SDK1: variants seen among roughly 807,000 people sequenced by gnomAD.
The protein encoded by SDK1 is protein sidekick-1.
SDK1 carries 157 observed loss-of-function variants against 245.5 expected under a neutral mutation model. The observed-to-expected ratio is 0.64, with a 90% confidence interval of 0.56 to 0.73. The LOEUF is 0.73. SDK1 is among the 30% of genes least tolerant of loss of function. The pLI, the probability that SDK1 is intolerant of heterozygous loss-of-function variation, is 0.00. For missense variants in SDK1, 3,583 were observed against 3,002.3 expected (o/e 1.19, Z -4.52); for synonymous variants, 1,647 against 1,278.5 (o/e 1.29, Z -6.15).
intron 5 of SDK1, among the ~76,000 whole-genome samples, chr7:3,935,975 G>A (rs918842034): frequency 6.6e-6 from 1 of 152,200 alleles, no homozygotes; most frequent in Non-Finnish European, 1.5e-5. Context: ...CTAATTAGAA[G>A]GTGAGAACAA....
At chr7:4,139,260 A>G (rs1277459034) in intron 28 of SDK1, among the ~76,000 whole-genome samples, 1 of 150,642 alleles carries the variant, frequency 6.6e-6, no homozygotes, top group African/African-American at 2.4e-5. Context: ...TTCGTGGGGC[A>G]CCCACCCTAG....
chr7:4,087,350 T>C (rs952716623), intron 22 of SDK1, among the ~76,000 whole-genome samples: 2 of 152,238 alleles, frequency 1.3e-5, no homozygotes, highest in African/African-American at 4.8e-5. Context: ...CTTTTCATTC[T>C]GTTCTATTAG....
At position 4,236,643 on chromosome 7, in the gene SDK1, G is replaced by A. The variant is rs1000436042; in HGVS notation, c.5993-1004G>A. 2.0e-5 allele frequency among the ~76,000 whole-genome samples: 3 copies of A among 152,204 alleles called. No individual in the cohort carries two copies. The South Asian group carries it at 6.2e-4, about 32-fold the overall frequency. On this transcript the variant is annotated intron_variant, in intron 41 of 44. Transcript: ENST00000404826. The stretch of plus-strand genomic sequence containing the variant: ...TGGGCTCAGGGTTCACCCCGTGGCT[G>A]TTGGGAACCACTGAGGATTTTAGGG...
intron 5 of SDK1, among the ~76,000 whole-genome samples, chr7:3,863,970 A>G (rs1329745158): frequency 6.6e-6 from 1 of 152,176 alleles, no homozygotes; most frequent in Non-Finnish European, 1.5e-5. Flanking sequence ...GCTGGGTTGC[A>G]TGGTAAGTCG....
In SDK1 at chr7:4,026,660, A is replaced by G. The variant is rs1368572492; in HGVS notation, c.2602+9308A>G. Among the ~76,000 whole-genome samples, 1 of 152,260 alleles carries G rather than the reference A, an allele frequency of 6.6e-6. No individual in the cohort carries two copies. The highest frequency in any genetic ancestry group is 1.5e-5 in the Non-Finnish European group (1 of 68,048). On this transcript the variant is annotated intron_variant, in intron 17 of 44. Coordinates refer to ENST00000404826, the MANE Select transcript of SDK1 (RefSeq NM_152744.4). The surrounding 1 kb of genome is among the most constrained non-coding windows in gnomAD (Gnocchi z 4.1). ...ATTTTCTTCTGAAGGCCATCAGAAA[A>G]GAAACTTGAGCTTATTTGTCAAAGG... is the stretch of plus-strand genomic sequence containing the variant.
chr7:3,674,702 G>A (rs1165897597), intron 4 of SDK1, among the ~76,000 whole-genome samples: 7 of 152,284 alleles, frequency 4.6e-5, no homozygotes, highest in African/African-American at 1.7e-4. Flanking sequence ...TGGCAGGGAA[G>A]AGCCCTGATG....
At chr7:4,074,811 C>T (rs533503896) in intron 20 of SDK1, among the ~76,000 whole-genome samples, 6 of 144,928 alleles carry the variant, frequency 4.1e-5, no homozygotes, top group African/African-American at 1.0e-4. Flanking sequence ...TGCAGTGAGC[C>T]GTGATCACCC....
At chr7:3,612,528 C>A (rs969668039) in intron 1 of SDK1, among the ~76,000 whole-genome samples, 4 of 152,192 alleles carry the variant, frequency 2.6e-5, no homozygotes, top group Non-Finnish European at 1.5e-5. Context: ...GGATCTTCTA[C>A]CCACATTTCT....
In SDK1 at chr7:4,208,106, A is replaced by G. The variant is rs561501706; in HGVS notation, c.5222A>G (p.Tyr1741Cys). 11 of 1,612,274 alleles carry G rather than the reference A, an allele frequency of 6.8e-6. No individual in the cohort carries two copies. Among genetic ancestry groups the G allele is most frequent in the Non-Finnish European group, 9.3e-6 (11 of 1,179,272 alleles). The change falls in exon 37 of 45, where the codon TAC becomes TGC. Residue 1741 changes from tyrosine (Y) to cysteine (C), a missense_variant. Tyr to Cys is a radical substitution (Grantham distance 194). Coordinates refer to ENST00000404826, the MANE Select transcript of SDK1 (RefSeq NM_152744.4). ...TCTTGCTGTTCCTAACAGATTTACT[A>G]CTGGGAGGCAGACAGCCAGAACGAA... ...NGNIQGYKIY[Y>C]WEADSQNETE...
intron 1 of SDK1, among the ~76,000 whole-genome samples, chr7:3,463,214 T>A (rs1184248313): frequency 6.6e-6 from 1 of 152,224 alleles, no homozygotes; most frequent in Non-Finnish European, 1.5e-5. Flanking sequence ...AGGTTTACAT[T>A]TAATTTTGTG....
chr7:3,454,981 GC>G (rs1583882456), intron 1 of SDK1, among the ~76,000 whole-genome samples: 2 of 152,084 alleles, frequency 1.3e-5, no homozygotes, highest in East Asian at 3.9e-4. Context: ...CTGTATCCTT[GC>G]CTGCATTTGG....
intron 1 of SDK1, among the ~76,000 whole-genome samples, chr7:3,540,497 G>A (rs750281887): frequency 6.6e-6 from 1 of 152,174 alleles, no homozygotes; most frequent in Non-Finnish European, 1.5e-5. Context: ...GACTGAAAAG[G>A]CGCAGTTAAA....
chr7:4,054,109 T>G (rs1171452834), intron 19 of SDK1, among the ~76,000 whole-genome samples: 1 of 151,968 alleles, frequency 6.6e-6, no homozygotes, highest in Non-Finnish European at 1.5e-5. Context: ...TGGCCAATTT[T>G]TTTGTATTTT....
At chr7:3,434,741 C>T (rs1779970218) in intron 1 of SDK1, among the ~76,000 whole-genome samples, 1 of 152,128 alleles carries the variant, frequency 6.6e-6, no homozygotes, top group African/African-American at 2.4e-5. Context: ...CCATCATTAA[C>T]CCAGGCCTAT....
rs367585225 is a variant in SDK1 at position 4,233,233 on chromosome 7, C to T, written c.5828-22C>T. Reference sequence around the variant, plus strand: ...ACTTCGCACTTCTAACCTCTGCTCTCGCCTCCCCATCCCTCTTGCAGATGA... The same window carrying T: ...ACTTCGCACTTCTAACCTCTGCTCTTGCCTCCCCATCCCTCTTGCAGATGA... On this transcript the variant is annotated intron_variant, in intron 40 of 44. Coordinates refer to ENST00000404826, the MANE Select transcript of SDK1 (RefSeq NM_152744.4). 2,481 of 1,605,210 alleles carry T rather than the reference C, an allele frequency of 1.5e-3. 8 individuals are homozygous for T. The highest frequency in any genetic ancestry group is 1.9e-3 in the Admixed American group (112 of 59,890).
chr7:3,543,042 A>T (rs1057313157), intron 1 of SDK1, among the ~76,000 whole-genome samples: 1 of 152,170 alleles, frequency 6.6e-6, no homozygotes, highest in Non-Finnish European at 1.5e-5. Flanking sequence ...TTTTGTTCTC[A>T]TCTCCATCTG....
chr7:3,338,531 C>A, intron 1 of SDK1: 1 of 425,318 alleles, frequency 2.4e-6, no homozygotes, highest in South Asian at 2.2e-5. Context: ...CCCAGAGAAG[C>A]ACACTTTGTG....
chr7:3,741,871 G>T (rs929363365), intron 4 of SDK1, among the ~76,000 whole-genome samples: 1 of 151,694 alleles, frequency 6.6e-6, no homozygotes, highest in Admixed American at 6.6e-5. Flanking sequence ...CCTATCTTTG[G>T]ATGCTCATAT....
intron 20 of SDK1, among the ~76,000 whole-genome samples, chr7:4,073,894 G>A (rs1562768655): frequency 1.3e-5 from 2 of 152,174 alleles, no homozygotes; most frequent in African/African-American, 2.4e-5. Context: ...ACTCAGCACG[G>A]CCACAACAAG....
Sources: allele counts gnomAD v4.1 joint callset (sites outside exome capture counted in the v4.1 genomes callset), GRCh38; gene constraint gnomAD v4.1.1; non-coding constraint Gnocchi (gnomAD v3.1); transcripts MANE v1.5; gene names NCBI Gene and HGNC (gene_info 2026-07-23, HGNC 2026-07-21).